The following ADAMTSL3 variants were observed in gnomAD, a reference collection of about 807,000 sequenced individuals.
The protein encoded by ADAMTSL3 is ADAMTS like 3, also known as ADAMTS-like protein 3.
A neutral mutation model predicts 201.7 loss-of-function variants in ADAMTSL3; 128 were observed. That is an observed-to-expected ratio of 0.63 (90% CI 0.55 to 0.73). The LOEUF (loss-of-function observed/expected upper bound fraction) is 0.73, where lower values mean the gene tolerates loss of function less well. Ranked by LOEUF, ADAMTSL3 falls within the 30% of genes least tolerant of loss-of-function variation. The pLI is 0.00. For synonymous variants in ADAMTSL3, 738 were observed against 748.4 expected (o/e 0.99, Z 0.23); for missense variants, 1,990 against 2,119.6 (o/e 0.94, Z 1.20).
chr15:83,821,815 G>T (rs1201127784), intron 6 of ADAMTSL3, among the ~76,000 whole-genome samples: 1 of 151,670 alleles, frequency 6.6e-6, no homozygotes, highest in Non-Finnish European at 1.5e-5. Context: ...CCCAGTAGGG[G>T]CGGCCGGGCA....
At chr15:83,832,917 G>A (rs548961787) in intron 6 of ADAMTSL3, among the ~76,000 whole-genome samples, 1 of 152,152 alleles carries the variant, frequency 6.6e-6, no homozygotes, top group African/African-American at 2.4e-5. Flanking sequence ...GTTGGTACCA[G>A]CTCTGCAGAC....
chr15:83,838,649 CTT>C (rs1341103174), intron 7 of ADAMTSL3, among the ~76,000 whole-genome samples: 1 of 151,948 alleles, frequency 6.6e-6, no homozygotes, highest in Admixed American at 6.6e-5. Context: ...TTGTTGAGAG[CTT>C]TTAATATATC....
chr15:83,818,404 G>A (rs2063801763), intron 5 of ADAMTSL3, among the ~76,000 whole-genome samples: 1 of 152,174 alleles, frequency 6.6e-6, no homozygotes, highest in African/African-American at 2.4e-5. Context: ...TTGGCTCACT[G>A]CAGCCTCCAC....
chr15:83,966,672 C>T (rs1343282316), intron 19 of ADAMTSL3, among the ~76,000 whole-genome samples: 1 of 152,142 alleles, frequency 6.6e-6, no homozygotes, highest in African/African-American at 2.4e-5. Context: ...CTCCCTAACT[C>T]ATTTTATGAG....
chr15:83,804,769 C>T, intron 5 of ADAMTSL3, 74 bp downstream of exon 5: 3 of 1,195,086 alleles, frequency 2.5e-6, no homozygotes, highest in Non-Finnish European at 3.5e-6. Flanking sequence ...CCAATGTGTA[C>T]TCTAAAACTG....
At chr15:83,796,093 A>G (rs1329745677) in intron 4 of ADAMTSL3, among the ~76,000 whole-genome samples, 4 of 152,206 alleles carry the variant, frequency 2.6e-5, no homozygotes, top group African/African-American at 4.8e-5. Context: ...TACAGTAGAT[A>G]ATCTTGATAG....
intron 14 of ADAMTSL3, 67 bp from the exon 15 acceptor site, chr15:83,899,580 A>G: frequency 6.8e-7 from 1 of 1,469,874 alleles, no homozygotes; most frequent in East Asian, 2.4e-5. Context: ...AGCCAATATG[A>G]TCACCTATCC....
intron 20 of ADAMTSL3, among the ~76,000 whole-genome samples, chr15:83,981,094 G>A (rs1596493348): frequency 2.6e-5 from 4 of 152,260 alleles, no homozygotes; most frequent in Admixed American, 2.6e-4. Context: ...GTGCTTCCAA[G>A]CCATCCATCC....
intron 13 of ADAMTSL3, 21 bp downstream of exon 13, chr15:83,892,909 A>T: frequency 6.3e-7 from 1 of 1,597,580 alleles, no homozygotes; most frequent in Non-Finnish European, 8.6e-7. Context: ...AGAATATGCC[A>T]CTTTTAATTA....
At chr15:83,901,560 G>A (rs1023841667) in intron 15 of ADAMTSL3, among the ~76,000 whole-genome samples, 2 of 152,154 alleles carry the variant, frequency 1.3e-5, no homozygotes, top group African/African-American at 4.8e-5. Flanking sequence ...AGAAGAAAAC[G>A]GAGCAATGGG....
chr15:83,965,083 G>C (rs1261227902), intron 19 of ADAMTSL3, among the ~76,000 whole-genome samples: 1 of 152,156 alleles, frequency 6.6e-6, no homozygotes, highest in Non-Finnish European at 1.5e-5. Flanking sequence ...AAATTGTAAA[G>C]ACTGTCAACA....
At chr15:83,945,744 C>T (rs1262906485) in intron 19 of ADAMTSL3, 1 of 152,130 alleles carries the variant, frequency 6.6e-6, no homozygotes, top group East Asian at 1.9e-4. Context: ...TAGTGTGGCC[C>T]AAGGACTAGT....
intron 19 of ADAMTSL3, among the ~76,000 whole-genome samples, chr15:83,959,202 G>A (rs2066912965): frequency 6.6e-6 from 1 of 152,168 alleles, no homozygotes; most frequent in South Asian, 2.1e-4. Flanking sequence ...AAGGTGGGTG[G>A]ATCACTTGAG....
intron 2 of ADAMTSL3, among the ~76,000 whole-genome samples, chr15:83,685,908 C>T (rs1365358143): frequency 6.6e-6 from 1 of 152,160 alleles, no homozygotes; most frequent in African/African-American, 2.4e-5. Flanking sequence ...AGTGAGGCCC[C>T]AGGAATATGA....
chr15:83,908,212 C>T (rs1049320604), intron 15 of ADAMTSL3, among the ~76,000 whole-genome samples: 3 of 152,118 alleles, frequency 2.0e-5, no homozygotes, highest in Non-Finnish European at 4.4e-5. Context: ...CAGATGAGGC[C>T]GTGTACAATA....
At chr15:83,824,048 CT>C (rs1198233831) in intron 6 of ADAMTSL3, among the ~76,000 whole-genome samples, 61 of 118,808 alleles carry the variant, frequency 5.1e-4, no homozygotes, top group Non-Finnish European at 8.3e-4. Context: ...TTTTCTTTTT[CT>C]TTTTTTTTTT....
At chr15:83,888,291 A>G (rs2065436591) in intron 10 of ADAMTSL3, among the ~76,000 whole-genome samples, 1 of 152,192 alleles carries the variant, frequency 6.6e-6, no homozygotes, top group Non-Finnish European at 1.5e-5. Flanking sequence ...GCTTTTTGCT[A>G]TTTCTAAACT....
At chr15:84,031,287 A>C (rs1200299419) in intron 27 of ADAMTSL3, 48 bp from the exon 28 acceptor site, 1 of 1,571,694 alleles carries the variant, frequency 6.4e-7, no homozygotes, top group Non-Finnish European at 8.7e-7. Context: ...TACACACAGC[A>C]TGGATGAGCT....
At chr15:84,014,368 A>T (rs1198881227) in intron 23 of ADAMTSL3, among the ~76,000 whole-genome samples, 174 bp from the exon 24 acceptor site, 1 of 152,176 alleles carries the variant, frequency 6.6e-6, no homozygotes, top group Non-Finnish European at 1.5e-5. Flanking sequence ...CTTTAAGAGG[A>T]TCCTCCATCT....
Sources: gnomAD v4.1 joint callset for allele counts (sites outside exome capture counted in the v4.1 genomes callset) on GRCh38, gnomAD v4.1.1 for gene constraint, MANE v1.5 for transcripts, NCBI Gene and HGNC (gene_info 2026-07-23, HGNC 2026-07-21) for gene names.